QSER1: variants seen among roughly 807,000 people sequenced by gnomAD.
QSER1 encodes glutamine and serine rich 1.
In QSER1, 49 loss-of-function variants were observed where a neutral mutation model predicts 158.5. The ratio of observed to expected loss-of-function variants is 0.31; its 90% CI spans 0.25 to 0.39. QSER1 has a LOEUF of 0.39. Ranked by LOEUF, QSER1 falls within the 10% of genes least tolerant of loss-of-function variation. The probability of loss-of-function intolerance (pLI) is 1.00; values close to 1 mark genes in which losing one functional copy is unlikely to be tolerated. For missense variants in QSER1, 1,754 were observed against 2,010.3 expected, an observed-to-expected ratio of 0.87 and a Z score of 2.44; for synonymous variants, 650 against 715.5, an observed-to-expected ratio of 0.91 and a Z score of 1.46.
intron 4 of QSER1, among the ~76,000 whole-genome samples, chr11:32,949,274 CTA>C (rs1852385119): frequency 6.6e-6 from 1 of 152,112 alleles, no homozygotes; most frequent in Non-Finnish European, 1.5e-5. Context: ...TCACAGATAA[CTA>C]TGTGACTTGT....
chr11:32,932,321 G>A lies in QSER1; in HGVS notation c.1063G>A (p.Glu355Lys). Residue 355 changes from glutamate (E) to lysine (K), a missense_variant, in exon 4 of 13, where the codon GAA becomes AAA. Glu to Lys is a moderately conservative substitution (Grantham distance 56, BLOSUM62 1). This residue lies in a region of QSER1 where 1,707 missense variants were observed against 1,919.6 expected (regional missense o/e 0.89). Transcript: ENST00000650167. ...LSNSSVVNFQ[E>K]TTRQSSLSCS... ...AAATTCAAGTGTAGTTAATTTTCAGGAAACAACCAGGCAGTCATCTTTATC... is the reference window on the plus strand; with the variant it reads ...AAATTCAAGTGTAGTTAATTTTCAGAAAACAACCAGGCAGTCATCTTTATC... The A allele has an allele frequency of 6.2e-7, 1 of 1,613,182 alleles. No individual in the cohort carries two copies. Among genetic ancestry groups the A allele is most frequent in the South Asian group, 1.1e-5 (1 of 91,072 alleles).
intron 4 of QSER1, among the ~76,000 whole-genome samples, chr11:32,937,708 G>GA (rs964451549): frequency 6.6e-6 from 1 of 152,086 alleles, no homozygotes; most frequent in Non-Finnish European, 1.5e-5. Context: ...TGCTTCATGG[G>GA]AAAAATAAAG....
rs373630805 is a variant in QSER1 at position 32,958,034 on chromosome 11, A to C, written c.4917A>C (p.Ser1639=). Residue 1639 remains serine (S), a synonymous_variant, in exon 8 of 13, where the codon TCA becomes TCC. Coordinates refer to ENST00000650167, the MANE Select transcript of QSER1 (RefSeq NM_001076786.3). ...KRKKWKEEFS[S]SQSDSSPEIH... is the part of the protein sequence containing the mutation. ...AAAAATGGAAAGAAGAATTTTCATCATCCCAATCTGACTCATCTCCTGAGA... is the reference window on the plus strand; with the variant it reads ...AAAAATGGAAAGAAGAATTTTCATCCTCCCAATCTGACTCATCTCCTGAGA... 158 of 1,614,166 alleles carry C rather than the reference A, an allele frequency of 9.8e-5. No homozygotes were observed. The African/African-American group carries it at 1.9e-3, about 20-fold the overall frequency.
chr11:32,898,291 C>T (rs1002940207), intron 1 of QSER1, among the ~76,000 whole-genome samples: 3 of 152,052 alleles, frequency 2.0e-5, no homozygotes, highest in Non-Finnish European at 4.4e-5. Context: ...GACCAGCCTA[C>T]GCAACGTGGT....
chr11:32,941,286 GGTTA>G (rs1472408880), intron 4 of QSER1, among the ~76,000 whole-genome samples: 1 of 150,724 alleles, frequency 6.6e-6, no homozygotes, highest in African/African-American at 2.4e-5. Context: ...ACATTGTGCA[GGTTA>G]GTTACATACG....
chr11:32,956,754 C>T (rs1428318382), intron 7 of QSER1, among the ~76,000 whole-genome samples: 2 of 152,168 alleles, frequency 1.3e-5, no homozygotes, highest in Non-Finnish European at 2.9e-5. Context: ...TTTATCCACT[C>T]AAATCTTCAG....
At chr11:32,926,067 T>G (rs1360197139) in intron 1 of QSER1, 3 of 152,060 alleles carry the variant, frequency 2.0e-5, no homozygotes, top group Non-Finnish European at 4.4e-5. Context: ...CACTCTAGCT[T>G]GGGTGACAGA....
At chr11:32,929,067 T>C (rs1404510380) in intron 3 of QSER1, among the ~76,000 whole-genome samples, 2 of 151,984 alleles carry the variant, frequency 1.3e-5, no homozygotes, top group Non-Finnish European at 1.5e-5. Flanking sequence ...TTTACTCTTG[T>C]ATAGTTTGTT....
In QSER1 at chr11:32,979,802, A is replaced by C. The variant is rs1237358753; in HGVS notation, c.*3328A>C. ...CATGACTTTGGAGATATACCTATAA[A>C]ACCAATATAACAGCAGGGTTATTGA... On this transcript the variant is annotated 3_prime_UTR_variant, in exon 13 of 13. Transcript: ENST00000650167. The C allele has an allele frequency of 6.6e-6, 1 of 152,206 alleles. No homozygotes were observed. Among genetic ancestry groups the C allele is most frequent in the Non-Finnish European group, 1.5e-5 (1 of 68,022 alleles). The allele number at this position is 152,206 out of a possible 1,614,324, so 9.4% of individuals were successfully genotyped here.
chr11:32,943,789 C>A (rs1053970793), intron 4 of QSER1, among the ~76,000 whole-genome samples: 1 of 152,108 alleles, frequency 6.6e-6, no homozygotes, highest in Non-Finnish European at 1.5e-5. Flanking sequence ...CTATTGATTG[C>A]AATAGTTTCA....
rs1339426441 is a variant in QSER1, at chr11:32,931,985, G to A, written c.727G>A (p.Ala243Thr). The A allele has an allele frequency of 1.2e-6, 2 of 1,614,034 alleles. No individual in the cohort carries two copies. The highest frequency in any genetic ancestry group is 1.7e-5 in the Admixed American group (1 of 60,000). ...CCAGGGAACTGTTCCAACTGCTTTG[G>A]CATTTGAGCGCCTGGGCAGTTCTGT... ...TSQGTVPTAL[A>T]FERLGSSVLS... Residue 243 changes from alanine (A) to threonine (T), a missense_variant, in exon 4 of 13, where the codon GCA becomes ACA. Ala to Thr is a moderately conservative substitution (Grantham distance 58). This residue lies in a region of QSER1 where 1,707 missense variants were observed against 1,919.6 expected (regional missense o/e 0.89). Coordinates refer to ENST00000650167, the MANE Select transcript of QSER1 (RefSeq NM_001076786.3).
intron 11 of QSER1, among the ~76,000 whole-genome samples, chr11:32,974,914 A>G (rs2133617499): frequency 6.6e-6 from 1 of 152,326 alleles, no homozygotes; most frequent in Middle Eastern, 3.4e-3. Context: ...TAAAAAATAT[A>G]TAACATGCCA....
In QSER1 at chr11:32,965,944, A is replaced by AACACACACACACACACACACACAC. The variant is rs5790910; in HGVS notation, c.4970-337_4970-314dup. 6.6e-4 allele frequency among the ~76,000 whole-genome samples: 81 copies of AACACACACACACACACACACACAC among 123,616 alleles called. 2 individuals are homozygous for AACACACACACACACACACACACAC. Among genetic ancestry groups the AACACACACACACACACACACACAC allele is most frequent in the East Asian group, 2.5e-3 (9 of 3,560 alleles). 81.1% of individuals were successfully genotyped at this position (123,616 alleles called of 152,430 possible). A position where few individuals can be genotyped will look rare whatever the true frequency, so the allele number is the denominator to read the frequency against. ...CAACAAGAGTGAAACTCTGTCTCAA[A>AACACACACACACACACACACACAC]ACACACACACACACACACACACACA... is the stretch of plus-strand genomic sequence containing the variant. On this transcript the variant is annotated intron_variant, in intron 8 of 12. Transcript: ENST00000650167.
chr11:32,949,294 T>A (rs559168529), intron 4 of QSER1, among the ~76,000 whole-genome samples: 2 of 152,294 alleles, frequency 1.3e-5, no homozygotes, highest in Middle Eastern at 6.8e-3. Context: ...TGTTTTGACA[T>A]ATAACTTAGA....
chr11:32,923,391 G>C (rs1019875517), intron 1 of QSER1, among the ~76,000 whole-genome samples: 20 of 152,046 alleles, frequency 1.3e-4, no homozygotes, highest in African/African-American at 4.3e-4. Flanking sequence ...ACACACTAGA[G>C]GGCTGGGCAC....
At chr11:32,916,422 T>C (rs1851831503) in intron 1 of QSER1, among the ~76,000 whole-genome samples, 1 of 152,220 alleles carries the variant, frequency 6.6e-6, no homozygotes, top group Admixed American at 6.5e-5. Flanking sequence ...TCTGTCTCCA[T>C]GGATTTGCTT....
rs183737552 is a variant in QSER1 at position 32,916,817 on chromosome 11, C to T, written c.210-10340C>T. 7.3e-5 allele frequency among the ~76,000 whole-genome samples: 11 copies of T among 150,298 alleles called. No homozygotes were observed. In the East Asian group the frequency reaches 2.1e-3, roughly 29 times the overall value. On this transcript the variant is annotated intron_variant, in intron 1 of 12. Transcript: ENST00000650167. Reference sequence around the variant, plus strand: ...TTTTTGAGATGGAGTCTCAGAGTCTCGCTCTGTTGCCCAGGCTGGAGTGCA... The same window carrying T: ...TTTTTGAGATGGAGTCTCAGAGTCTTGCTCTGTTGCCCAGGCTGGAGTGCA...
chr11:32,900,698 C>T (rs1484210004), intron 1 of QSER1, among the ~76,000 whole-genome samples: 1 of 152,256 alleles, frequency 6.6e-6, no homozygotes, highest in Non-Finnish European at 1.5e-5. Context: ...GTTCCTGAAA[C>T]ATGCTAAGAT....
chr11:32,964,731 T>TACACACACAC (rs1356506353), intron 8 of QSER1, among the ~76,000 whole-genome samples: 42 of 113,078 alleles, frequency 3.7e-4, no homozygotes, highest in Middle Eastern at 4.5e-3. Flanking sequence ...TATATATATA[T>TACACACACAC]ATATATATAC....
Sources: gnomAD v4.1 joint callset for allele counts (sites outside exome capture counted in the v4.1 genomes callset) on GRCh38, gnomAD v4.1.1 for gene constraint, gnomAD v4.1.1 regional missense constraint, MANE v1.5 for transcripts, NCBI Gene and HGNC (gene_info 2026-07-23, HGNC 2026-07-21) for gene names.